Variants in CPQ observed in about 807,000 individuals in gnomAD.
CPQ encodes Ser-Met dipeptidase.
CPQ carries 37 observed loss-of-function variants against 45.7 expected under a neutral mutation model. That is an observed-to-expected ratio of 0.81 (90% CI 0.62 to 1.07). CPQ has a LOEUF of 1.07. Ranked by LOEUF, CPQ falls within the 50% of genes least tolerant of loss-of-function variation. CPQ has a pLI of 0.00. For missense variants in CPQ, 537 were observed against 572.9 expected (o/e 0.94, Z 0.64); for synonymous variants, 186 against 205.8 (o/e 0.90, Z 0.82).
At chr8:96,705,263 T>G (rs1809517972) in intron 1 of CPQ, among the ~76,000 whole-genome samples, 1 of 152,176 alleles carries the variant, frequency 6.6e-6, no homozygotes, top group Non-Finnish European at 1.5e-5. Context: ...TCTTCTATTG[T>G]CCTTGAGAGT....
At chr8:96,859,243 G>A (rs1283004471) in intron 3 of CPQ, among the ~76,000 whole-genome samples, 2 of 152,154 alleles carry the variant, frequency 1.3e-5, no homozygotes. Context: ...GCTTTTGATT[G>A]TAATTCTTTG....
intron 7 of CPQ, among the ~76,000 whole-genome samples, chr8:97,114,013 T>A (rs1359465929): frequency 6.6e-6 from 1 of 152,190 alleles, no homozygotes; most frequent in Non-Finnish European, 1.5e-5. Flanking sequence ...GAGCCATCCC[T>A]CTGGATTTCA....
rs527834267 is a variant in CPQ, at chr8:97,027,837, T to C, written c.962-1566T>C. ...CATAGATCCCTGTCTTCCAGAAGTTTACTTCTGGTTATTGGAGGTTTTGAG... is the reference window on the plus strand; with the variant it reads ...CATAGATCCCTGTCTTCCAGAAGTTCACTTCTGGTTATTGGAGGTTTTGAG... On this transcript the variant is annotated intron_variant, in intron 5 of 7. Coordinates refer to ENST00000220763, the MANE Select transcript of CPQ (RefSeq NM_016134.4). Among the ~76,000 whole-genome samples the C allele has an allele frequency of 4.9e-4, 74 of 152,346 alleles. 1 individual carries two copies. The South Asian group carries it at 0.015, about 31-fold the overall frequency.
intron 5 of CPQ, among the ~76,000 whole-genome samples, chr8:97,000,443 C>A (rs2130423222): frequency 6.6e-6 from 1 of 152,224 alleles, no homozygotes; most frequent in South Asian, 2.1e-4. Flanking sequence ...GGTCCAGTTT[C>A]AGTTTTCTGC....
Position 96,804,771 on chromosome 8 carries a change from A to G in CPQ, c.433+19441A>G, listed in dbSNP as rs867986928. The stretch of plus-strand genomic sequence containing the variant: ...CTATGATTCAAAGGACATTAAAGCA[A>G]ATGGGGTGTTTAGTGACAAAAGTAT... On this transcript the variant is annotated intron_variant, in intron 2 of 7. Transcript: ENST00000220763. Among the ~76,000 whole-genome samples the G allele has an allele frequency of 2.0e-5, 3 of 151,978 alleles. No homozygotes were observed. The South Asian group carries it at 6.2e-4, about 32-fold the overall frequency.
At chr8:96,840,384 G>A (rs1413908252) in intron 3 of CPQ, among the ~76,000 whole-genome samples, 1 of 152,152 alleles carries the variant, frequency 6.6e-6, no homozygotes, top group Non-Finnish European at 1.5e-5. Context: ...CATGGAATGT[G>A]TTAAAGATAT....
At chr8:97,036,946 T>C (rs562079073) in intron 6 of CPQ, among the ~76,000 whole-genome samples, 61 of 152,316 alleles carry the variant, frequency 4.0e-4, no homozygotes, top group African/African-American at 1.4e-3. Context: ...AGGGCAATAT[T>C]TTAAATAGGC....
intron 4 of CPQ, among the ~76,000 whole-genome samples, chr8:96,964,799 A>T (rs2130360570): frequency 6.6e-6 from 1 of 152,144 alleles, no homozygotes; most frequent in East Asian, 1.9e-4. Context: ...TGGTGAAGTT[A>T]TTCTATGCCT....
chr8:97,001,229 A>C lies in CPQ; in HGVS notation c.962-28174A>C, dbSNP rs190137225. ...CTCTCTTTCTATTTGAATACACTTT[A>C]TTTCTTTCTACTGCCTGATTGCCCT... On this transcript the variant is annotated intron_variant, in intron 5 of 7. Transcript: ENST00000220763. Among the ~76,000 whole-genome samples, 164 of 152,196 alleles carry C rather than the reference A, an allele frequency of 1.1e-3. 1 individual carries two copies. Among genetic ancestry groups the C allele is most frequent in the Admixed American group, 0.011 (163 of 15,280 alleles).
At chr8:96,970,325 T>A (rs925344377) in intron 5 of CPQ, among the ~76,000 whole-genome samples, 2 of 152,148 alleles carry the variant, frequency 1.3e-5, no homozygotes, top group Non-Finnish European at 2.9e-5. Context: ...CTGGGTATAA[T>A]AAAAATATTG....
At chr8:96,968,173 C>T (rs1158952241) in intron 5 of CPQ, among the ~76,000 whole-genome samples, 1 of 152,136 alleles carries the variant, frequency 6.6e-6, no homozygotes, top group East Asian at 1.9e-4. Context: ...TATCCTTTCC[C>T]TTTACTACTT....
intron 7 of CPQ, among the ~76,000 whole-genome samples, chr8:97,086,586 A>C (rs947541226): frequency 3.9e-5 from 6 of 152,162 alleles, no homozygotes; most frequent in Admixed American, 6.6e-5. Context: ...TATAGGCTTT[A>C]CAGTCAGTGC....
At chr8:96,777,762 T>TA (rs1563494483) in intron 1 of CPQ, among the ~76,000 whole-genome samples, 2 of 16,062 alleles carry the variant, frequency 1.2e-4, no homozygotes, top group African/African-American at 2.6e-4. Flanking sequence ...ATATATATAT[T>TA]TTTTTTTTTT....
intron 1 of CPQ, among the ~76,000 whole-genome samples, chr8:96,695,892 A>G (rs1490349077): frequency 6.7e-6 from 1 of 149,858 alleles, no homozygotes; most frequent in Non-Finnish European, 1.5e-5. Context: ...GCGATTCCTC[A>G]GGGATCTAGA....
At chr8:96,873,249 G>T (rs1013879135) in intron 3 of CPQ, among the ~76,000 whole-genome samples, 3 of 151,502 alleles carry the variant, frequency 2.0e-5, no homozygotes, top group African/African-American at 7.3e-5. Flanking sequence ...CATTTCAAAT[G>T]AATCATAAAA....
At chr8:96,687,752 GAATT>G (rs1809251560) in intron 1 of CPQ, among the ~76,000 whole-genome samples, 1 of 152,040 alleles carries the variant, frequency 6.6e-6, no homozygotes, top group Non-Finnish European at 1.5e-5. Flanking sequence ...AAACTTAACA[GAATT>G]TTAAAATATC....
chr8:97,115,029 T>C (rs1195566107), intron 7 of CPQ, among the ~76,000 whole-genome samples: 1 of 152,210 alleles, frequency 6.6e-6, no homozygotes, highest in Non-Finnish European at 1.5e-5. Flanking sequence ...TTTCCAGTTT[T>C]CTCCCTTCTT....
At chr8:96,790,968 G>A (rs1810838541) in intron 2 of CPQ, among the ~76,000 whole-genome samples, 1 of 152,092 alleles carries the variant, frequency 6.6e-6, no homozygotes, top group Admixed American at 6.6e-5. Flanking sequence ...GTATTAGGGA[G>A]CTCCTTAGCT....
chr8:96,923,266 G>T (rs554895481), intron 4 of CPQ, among the ~76,000 whole-genome samples: 1 of 152,146 alleles, frequency 6.6e-6, no homozygotes, highest in Non-Finnish European at 1.5e-5. Context: ...TGAATTGTCA[G>T]TGGCTAGATA....
Sources: gnomAD v4.1 joint callset for allele counts (sites outside exome capture counted in the v4.1 genomes callset) on GRCh38, gnomAD v4.1.1 for gene constraint, MANE v1.5 for transcripts, NCBI Gene and HGNC (gene_info 2026-07-23, HGNC 2026-07-21) for gene names.